RAD51B: variants seen among roughly 807,000 people sequenced by gnomAD.
RAD51B encodes RAD51 paralog B.
A neutral mutation model predicts 42.2 loss-of-function variants in RAD51B; 38 were observed. The ratio of observed to expected loss-of-function variants is 0.90; its 90% CI spans 0.70 to 1.18. The LOEUF (loss-of-function observed/expected upper bound fraction) is 1.18, where lower values mean the gene tolerates loss of function less well. Among genes scored for constraint, RAD51B ranks in the 50% most tolerant of loss-of-function variants. The probability of loss-of-function intolerance (pLI) is 0.00; values close to 1 mark genes in which losing one functional copy is unlikely to be tolerated. For synonymous variants in RAD51B, 154 were observed against 145.2 expected, an observed-to-expected ratio of 1.06 and a Z score of -0.43; for missense variants, 373 against 400.7, an observed-to-expected ratio of 0.93 and a Z score of 0.59.
chr14:68,441,458 A>C (rs78346384), intron 9 of RAD51B, among the ~76,000 whole-genome samples: 2 of 122,904 alleles, frequency 1.6e-5, no homozygotes, highest in Non-Finnish European at 3.4e-5. Context: ...AGGAGAATGG[A>C]GTGAACCCGG....
chr14:68,571,019 C>T (rs1889674823), intron 10 of RAD51B, among the ~76,000 whole-genome samples: 1 of 152,156 alleles, frequency 6.6e-6, no homozygotes, highest in Non-Finnish European at 1.5e-5. Context: ...TCACATCAGC[C>T]AGTGAAGGGG....
intron 3 of RAD51B, 37 bp downstream of exon 3, chr14:67,825,614 A>G (rs751823500): frequency 6.9e-7 from 1 of 1,456,392 alleles, no homozygotes; most frequent in Non-Finnish European, 9.4e-7. Context: ...ATTATGAATG[A>G]TTCCTCATCT....
chr14:67,916,115 A>G (rs1031874229), intron 7 of RAD51B, among the ~76,000 whole-genome samples: 2 of 152,222 alleles, frequency 1.3e-5, no homozygotes, highest in Non-Finnish European at 2.9e-5. Flanking sequence ...TTCTCTGGCA[A>G]TCTGGTTCCC....
intron 7 of RAD51B, among the ~76,000 whole-genome samples, chr14:67,962,897 T>C (rs2074698920): frequency 6.6e-6 from 1 of 152,154 alleles, no homozygotes; most frequent in South Asian, 2.1e-4. Context: ...GAAATGGGAA[T>C]GAGAGATTAT....
intron 3 of RAD51B, among the ~76,000 whole-genome samples, chr14:67,827,331 C>G (rs549330768): frequency 1.6e-4 from 25 of 152,166 alleles, no homozygotes; most frequent in Non-Finnish European, 2.8e-4. Context: ...TTAATTTCTA[C>G]TTCCATCACT....
chr14:67,861,067 C>A (rs1033872672), intron 4 of RAD51B, among the ~76,000 whole-genome samples: 4 of 151,988 alleles, frequency 2.6e-5, no homozygotes, highest in Non-Finnish European at 5.9e-5. Context: ...GTGATGTGTG[C>A]CTGTAGTTCC....
At chr14:68,682,745 G>A (rs983551839) in intron 11 of RAD51B, among the ~76,000 whole-genome samples, 1 of 152,044 alleles carries the variant, frequency 6.6e-6, no homozygotes, top group African/African-American at 2.4e-5. Context: ...GCAGGGACGT[G>A]GGGGTGGAAG....
chr14:68,014,849 CAAAA>C (rs111996389), intron 7 of RAD51B, among the ~76,000 whole-genome samples: 6 of 104,754 alleles, frequency 5.7e-5, no homozygotes, highest in Admixed American at 1.0e-4. Context: ...AGAATGAATG[CAAAA>C]AAAAAAAAAA....
intron 7 of RAD51B, among the ~76,000 whole-genome samples, chr14:68,084,613 A>C (rs948747385): frequency 3.3e-5 from 5 of 152,200 alleles, no homozygotes; most frequent in Non-Finnish European, 4.4e-5. Flanking sequence ...TGTAATCATG[A>C]GGAGCAGAGC....
chr14:67,955,311 G>A (rs1278219129), intron 7 of RAD51B, among the ~76,000 whole-genome samples: 1 of 152,164 alleles, frequency 6.6e-6, no homozygotes, highest in Non-Finnish European at 1.5e-5. Context: ...AATGATGATA[G>A]TACTATTACT....
intron 7 of RAD51B, among the ~76,000 whole-genome samples, chr14:68,142,261 CA>C (rs2078144939): frequency 1.3e-5 from 2 of 152,034 alleles, no homozygotes; most frequent in African/African-American, 4.8e-5. Flanking sequence ...ACCTTACATG[CA>C]GATTGATTTA....
intron 8 of RAD51B, among the ~76,000 whole-genome samples, chr14:68,299,886 T>A (rs1174727764): frequency 1.3e-5 from 2 of 152,238 alleles, no homozygotes; most frequent in Non-Finnish European, 2.9e-5. Flanking sequence ...GTCTTGCCTT[T>A]CCATGACACT....
rs545341541 is a variant in RAD51B at position 68,348,605 on chromosome 14, A to G, written c.853+56625A>G. 5.8e-4 allele frequency among the ~76,000 whole-genome samples: 89 copies of G among 152,380 alleles called. 5 individuals are homozygous for G. The South Asian group carries it at 0.014, about 25-fold the overall frequency. ...ACAAAAGAAGCAATTGAAGATTAACATTGACTTTGTCTCGCCTGGCGCGGT... is the reference window on the plus strand; with the variant it reads ...ACAAAAGAAGCAATTGAAGATTAACGTTGACTTTGTCTCGCCTGGCGCGGT... On this transcript the variant is annotated intron_variant, in intron 8 of 10. Transcript: ENST00000471583.
chr14:68,235,865 CT>C (rs1198285682), intron 7 of RAD51B, among the ~76,000 whole-genome samples: 1 of 152,050 alleles, frequency 6.6e-6, no homozygotes, highest in African/African-American at 2.4e-5. Context: ...CTGTAGAATA[CT>C]ACACAACCAT....
chr14:67,875,033 T>C (rs1184165661), intron 5 of RAD51B, among the ~76,000 whole-genome samples: 1 of 152,034 alleles, frequency 6.6e-6, no homozygotes, highest in East Asian at 1.9e-4. Context: ...TCAATAAGCA[T>C]GTGAGAAAAA....
chr14:68,021,734 G>A (rs1267117383), intron 7 of RAD51B, among the ~76,000 whole-genome samples: 1 of 152,068 alleles, frequency 6.6e-6, no homozygotes, highest in Admixed American at 6.5e-5. Context: ...AAAATTTTTT[G>A]TTTCCTAATG....
At chr14:68,533,638 C>A (rs1361068870) in intron 10 of RAD51B, among the ~76,000 whole-genome samples, 2 of 151,930 alleles carry the variant, frequency 1.3e-5, no homozygotes, top group Admixed American at 6.6e-5. Flanking sequence ...AAACTGAGAT[C>A]ATCAGTTGAG....
At chr14:67,914,978 G>T (rs1483823863) in intron 7 of RAD51B, among the ~76,000 whole-genome samples, 1 of 152,054 alleles carries the variant, frequency 6.6e-6, no homozygotes, top group Non-Finnish European at 1.5e-5. Flanking sequence ...AAAGAAATAG[G>T]GTATATCAAA....
At chr14:68,186,403 A>G (rs907064571) in intron 7 of RAD51B, among the ~76,000 whole-genome samples, 1 of 152,238 alleles carries the variant, frequency 6.6e-6, no homozygotes, top group African/African-American at 2.4e-5. Context: ...AGCAAAAGAA[A>G]CTATCAACAG....
Sources: gnomAD v4.1 joint callset for allele counts (sites outside exome capture counted in the v4.1 genomes callset) on GRCh38, gnomAD v4.1.1 for gene constraint, MANE v1.5 for transcripts, NCBI Gene and HGNC (gene_info 2026-07-23, HGNC 2026-07-21) for gene names.